Variants in AGO2 observed in about 807,000 individuals in gnomAD.
AGO2 encodes argonaute RISC catalytic component 2, also known as protein argonaute-2.
In AGO2, 5 loss-of-function variants were observed where a neutral mutation model predicts 102.3. The observed-to-expected ratio is 0.05, with a 90% CI of 0.03 to 0.10. AGO2 has a LOEUF of 0.10. AGO2 is among the 10% of genes least tolerant of loss of function. The probability of loss-of-function intolerance (pLI) is 1.00; values close to 1 mark genes in which losing one functional copy is unlikely to be tolerated. For missense variants in AGO2, 541 were observed against 1,183.7 expected (o/e 0.46, Z 7.97); for synonymous variants, 449 against 473.1 (o/e 0.95, Z 0.66).
intron 1 of AGO2, among the ~76,000 whole-genome samples, chr8:140,614,855 C>G (rs2074120832): frequency 6.6e-6 from 1 of 152,176 alleles, no homozygotes; most frequent in Admixed American, 6.5e-5. Flanking sequence ...CCCTCGGTAA[C>G]TGCTGCTGCT....
At chr8:140,604,376 C>T (rs963516363) in intron 1 of AGO2, among the ~76,000 whole-genome samples, 1 of 152,112 alleles carries the variant, frequency 6.6e-6, no homozygotes, top group Non-Finnish European at 1.5e-5. Flanking sequence ...ATACAAATAC[C>T]GATTCAAACA....
rs200744342 is a variant in AGO2, at chr8:140,539,476, G to A, written c.2035-22C>T. On this transcript the variant is annotated intron_variant, in intron 15 of 18. Transcript: ENST00000220592. The surrounding 1 kb of genome is among the most constrained non-coding windows in gnomAD (Gnocchi z 4.7). ...GAACCTAGGGGTACGGGAGGGAGGA[G>A]GTTGTGCTTAAAGATGGTAGTGCAT... The A allele has an allele frequency of 9.4e-4, 1,508 of 1,600,286 alleles. 4 individuals are homozygous for A. The highest frequency in any genetic ancestry group is 1.1e-3 in the Non-Finnish European group (1,301 of 1,172,540).
intron 1 of AGO2, chr8:140,626,615 A>G (rs935222711): frequency 3.9e-5 from 6 of 152,232 alleles, no homozygotes; most frequent in African/African-American, 1.4e-4. Context: ...TGAGACACCC[A>G]TCACGTGGCC....
chr8:140,583,822 C>T (rs1300352009), intron 2 of AGO2, among the ~76,000 whole-genome samples: 1 of 152,208 alleles, frequency 6.6e-6, no homozygotes, highest in Non-Finnish European at 1.5e-5. Context: ...CTACAGTGAA[C>T]TGAGTTCATG....
chr8:140,579,700 T>A (rs989822183), intron 2 of AGO2, among the ~76,000 whole-genome samples: 1 of 151,878 alleles, frequency 6.6e-6, no homozygotes, highest in African/African-American at 2.4e-5. Flanking sequence ...ATCCTATACA[T>A]CTCCTTGAGA....
At chr8:140,572,589 T>C (rs2073396505) in intron 3 of AGO2, 1 of 508,062 alleles carries the variant, frequency 2.0e-6, no homozygotes, top group African/African-American at 2.0e-5. Context: ...AAGTTCTCGA[T>C]ATCCGTGTCT....
chr8:140,566,534 T>TGCA (rs1340536967), intron 3 of AGO2, among the ~76,000 whole-genome samples: 7 of 151,838 alleles, frequency 4.6e-5, no homozygotes, highest in African/African-American at 1.7e-4. Context: ...TAACTGAAAA[T>TGCA]GCACATTTGG....
chr8:140,587,578 A>G (rs2073677993), intron 1 of AGO2, among the ~76,000 whole-genome samples: 1 of 152,244 alleles, frequency 6.6e-6, no homozygotes, highest in Non-Finnish European at 1.5e-5. Flanking sequence ...GAGACAGAGC[A>G]GAAGTGTGCA....
At chr8:140,621,547 T>C (rs993267956) in intron 1 of AGO2, among the ~76,000 whole-genome samples, 1 of 152,214 alleles carries the variant, frequency 6.6e-6, no homozygotes, top group African/African-American at 2.4e-5. Context: ...GCATCCAGGA[T>C]GGAGTCTGGG....
rs772674626 is a variant in AGO2, at chr8:140,539,403, T to C, written c.2086A>G (p.Lys696Glu). The change falls in exon 16 of 19, where the codon AAA becomes GAA. Residue 696 changes from lysine to glutamate, a missense_variant. Physicochemically the swap from Lys to Glu is moderately conservative, Grantham distance 56 (BLOSUM62 1). This residue lies in a region of AGO2 where 309 missense variants were observed against 735.1 expected (regional missense o/e 0.42). Coordinates refer to ENST00000220592, the MANE Select transcript of AGO2 (RefSeq NM_012154.5). This position sits in a 1 kb window ranked among gnomAD's most constrained non-coding sequence, Gnocchi z 4.7. Reference protein sequence around the residue: ...AIREACIKLEKDYQPGITFIV... With the variant: ...AIREACIKLEEDYQPGITFIV... ...AAGGTGATCCCGGGCTGGTAGTCTT[T>C]TTCTAGCTTGATACAGGCCTCACGG... 1 of 1,614,114 alleles carries C rather than the reference T, an allele frequency of 6.2e-7. No individual in the cohort carries two copies. The highest frequency in any genetic ancestry group is 1.7e-5 in the Admixed American group (1 of 60,018).
rs1389564736 is a variant in AGO2 at position 140,595,852 on chromosome 8, T to TA, written c.23-10542_23-10541insT. ...TTATATACAATTGTATATATTATATTTATATTATATACAATTGTATATTAT... is the reference window on the plus strand; with the variant it reads ...TTATATACAATTGTATATATTATATTATATATTATATACAATTGTATATTAT... On this transcript the variant is annotated intron_variant, in intron 1 of 18. Transcript: ENST00000220592. Among the ~76,000 whole-genome samples, 53 of 25,736 alleles carry TA rather than the reference T, an allele frequency of 2.1e-3. 11 individuals are homozygous for TA. The highest frequency in any genetic ancestry group is 0.011 in the African/African-American group (50 of 4,536). The allele number at this position is 25,736 out of a possible 152,430, so 16.9% of individuals were successfully genotyped here.
At chr8:140,635,804 G>A (rs1316228755), upstream of AGO2, among the ~76,000 whole-genome samples, 1 of 143,974 alleles carries the variant, frequency 6.9e-6, no homozygotes, top group African/African-American at 2.5e-5. Flanking sequence ...CGGCGGCGGC[G>A]GCGGCGCCGG....
At chr8:140,580,630 T>A (rs761603473) in intron 2 of AGO2, among the ~76,000 whole-genome samples, 2 of 152,212 alleles carry the variant, frequency 1.3e-5, no homozygotes, top group Non-Finnish European at 2.9e-5. Context: ...CAGCCACCAC[T>A]GCACCCCCAG....
intron 1 of AGO2, among the ~76,000 whole-genome samples, chr8:140,600,165 T>G (rs1318626036): frequency 1.3e-5 from 2 of 152,254 alleles, no homozygotes; most frequent in African/African-American, 4.8e-5. Context: ...CATTCCTATG[T>G]GTGAGCAACG....
Position 140,540,423 on chromosome 8 carries a change from G to GCGAC in AGO2, c.2034+737_2034+740dup, listed in dbSNP as rs1288930029. Among the ~76,000 whole-genome samples the GCGAC allele has an allele frequency of 6.6e-6, 1 of 152,222 alleles. No homozygotes were observed. Among genetic ancestry groups the GCGAC allele is most frequent in the Non-Finnish European group, 1.5e-5 (1 of 68,028 alleles). ...TTTCTTGCTAACACCTCCCAAGGAA[G>GCGAC]CGACCGTGTGGCATGGCGAGGGGTG... On this transcript the variant is annotated intron_variant, in intron 15 of 18. Transcript: ENST00000220592. The surrounding 1 kb of genome is among the most constrained non-coding windows in gnomAD (Gnocchi z 5.0).
At chr8:140,532,973 G>C (rs959991882) in intron 17 of AGO2, among the ~76,000 whole-genome samples, 3 of 146,846 alleles carry the variant, frequency 2.0e-5, no homozygotes, top group African/African-American at 7.6e-5. Flanking sequence ...ACTCCAGCCT[G>C]GGCAACAGAG....
intron 3 of AGO2, among the ~76,000 whole-genome samples, chr8:140,563,015 G>A (rs2073227692): frequency 6.6e-6 from 1 of 152,088 alleles, no homozygotes; most frequent in Non-Finnish European, 1.5e-5. Context: ...GCCGTCACCT[G>A]CAAGCCCCAC....
At chr8:140,636,060 G>T (rs1423699531), upstream of AGO2, among the ~76,000 whole-genome samples, 1 of 150,332 alleles carries the variant, frequency 6.7e-6, no homozygotes, top group Non-Finnish European at 1.5e-5. Flanking sequence ...CGCTTTCCCC[G>T]CCGCCCCCCG....
chr8:140,556,489 C>A (rs532716594), intron 8 of AGO2, among the ~76,000 whole-genome samples: 4 of 152,272 alleles, frequency 2.6e-5, no homozygotes, highest in African/African-American at 7.2e-5. Flanking sequence ...GTTAAGTAAA[C>A]CCCACGTCAC....
Sources: gnomAD v4.1 joint callset for allele counts (sites outside exome capture counted in the v4.1 genomes callset) on GRCh38, gnomAD v4.1.1 for gene constraint, gnomAD v4.1.1 regional missense constraint, Gnocchi (gnomAD v3.1) non-coding constraint, MANE v1.5 for transcripts, NCBI Gene and HGNC (gene_info 2026-07-23, HGNC 2026-07-21) for gene names.